PPP3CB: variants seen among roughly 807,000 people sequenced by gnomAD.
The protein encoded by PPP3CB is protein phosphatase 3 catalytic subunit beta.
In PPP3CB, 8 loss-of-function variants were observed where a neutral mutation model predicts 66.4. That is an observed-to-expected ratio of 0.12 (90% CI 0.07 to 0.22). PPP3CB has a LOEUF of 0.22. Ranked by LOEUF, PPP3CB falls within the 10% of genes least tolerant of loss-of-function variation. PPP3CB has a pLI of 1.00. For synonymous variants in PPP3CB, 208 were observed against 221.2 expected (o/e 0.94, Z 0.53); for missense variants, 319 against 642.5 (o/e 0.50, Z 5.44).
chr10:73,468,228 A>C (rs181377911), intron 8 of PPP3CB, among the ~76,000 whole-genome samples: 110 of 152,276 alleles, frequency 7.2e-4, no homozygotes, highest in Middle Eastern at 6.8e-3. Context: ...TACTACAAAG[A>C]AATATTTTAC....
intron 1 of PPP3CB, among the ~76,000 whole-genome samples, chr10:73,491,628 A>C (rs964021042): frequency 2.6e-5 from 4 of 152,228 alleles, no homozygotes; most frequent in Non-Finnish European, 5.9e-5. Flanking sequence ...CTAGCAAGAA[A>C]CACTGAAGTA....
intron 1 of PPP3CB, among the ~76,000 whole-genome samples, chr10:73,492,881 T>TA (rs1266327230): frequency 6.6e-6 from 1 of 152,170 alleles, no homozygotes; most frequent in African/African-American, 2.4e-5. Context: ...TATCTGATCT[T>TA]AAACACAGAA....
At chr10:73,480,435 C>G (rs1328217006) in intron 1 of PPP3CB, among the ~76,000 whole-genome samples, 1 of 150,158 alleles carries the variant, frequency 6.7e-6, no homozygotes, top group Non-Finnish European at 1.5e-5. Flanking sequence ...AAATTTATCC[C>G]TGTAATTTTT....
At chr10:73,455,670 G>A (rs996621016) in intron 9 of PPP3CB, among the ~76,000 whole-genome samples, 5 of 152,216 alleles carry the variant, frequency 3.3e-5, no homozygotes, top group Non-Finnish European at 5.9e-5. Context: ...CCGGGTTCAC[G>A]CCATTCTCCT....
chr10:73,458,335 C>T (rs2056463823), intron 9 of PPP3CB, among the ~76,000 whole-genome samples: 1 of 152,014 alleles, frequency 6.6e-6, no homozygotes, highest in African/African-American at 2.4e-5. Context: ...CAGGGTTTCA[C>T]CATGTTGGCC....
Position 73,438,288 on chromosome 10 carries a change from G to A in PPP3CB, c.1529C>T (p.Ala510Val), listed in dbSNP as rs2056097799. 1.2e-6 allele frequency: 2 copies of A among 1,614,004 alleles called. No individual in the cohort carries two copies. Among genetic ancestry groups the A allele is most frequent in the Non-Finnish European group, 1.7e-6 (2 of 1,180,020 alleles). The change falls in exon 14 of 14, where the codon GCA becomes GTA. Residue 510 changes from alanine to valine, a missense_variant. By Grantham distance (64) the Ala-to-Val change is moderately conservative (BLOSUM62 0). Around this residue, in one of 5 missense-constraint regions of PPP3CB, gnomAD observed 25 missense variants for 26.4 expected, o/e 0.95. Transcript: ENST00000360663. ...QQDGFNSLNTAHATENHGTGN... is the reference protein window; with the variant it reads ...QQDGFNSLNTVHATENHGTGN... ...CGTCCCGTGGTTCTCAGTGGCATGT[G>A]CGGTGTTCAGAGAATTGAAACCATC...
In PPP3CB at chr10:73,471,592, C is replaced by T; in HGVS notation, c.545G>A (p.Arg182Lys). 1 of 1,598,852 alleles carries T rather than the reference C, an allele frequency of 6.3e-7. No individual in the cohort carries two copies. The highest frequency in any genetic ancestry group is 8.5e-7 in the Non-Finnish European group (1 of 1,174,760). Residue 182 changes from arginine (R) to lysine (K), a missense_variant, in exon 5 of 14, where the codon AGA becomes AAA. Physicochemically the swap from Arg to Lys is conservative, Grantham distance 26 (BLOSUM62 2). Coordinates refer to ENST00000360663, the MANE Select transcript of PPP3CB (RefSeq NM_021132.4). Reference sequence around the variant, plus strand: ...AGCTTCCATACAAGCTTCATAGACTCTTTCCGAATACTTAATTTTACCTAG... The same window carrying T: ...AGCTTCCATACAAGCTTCATAGACTTTTTCCGAATACTTAATTTTACCTAG... The part of the protein sequence containing the change: ...KQECKIKYSE[R>K]VYEACMEAFD...
chr10:73,479,111 A>G (rs1390992157), intron 2 of PPP3CB, among the ~76,000 whole-genome samples: 2 of 152,232 alleles, frequency 1.3e-5, no homozygotes, highest in African/African-American at 4.8e-5. Flanking sequence ...ATATTAGACT[A>G]ACTTCTACAC....
chr10:73,482,703 C>T (rs1301519915), intron 1 of PPP3CB, among the ~76,000 whole-genome samples: 1 of 151,466 alleles, frequency 6.6e-6, no homozygotes, highest in Non-Finnish European at 1.5e-5. Context: ...CTACAACATC[C>T]ACCTCCTGGG....
At position 73,470,875 on chromosome 10, in the gene PPP3CB, CAG is replaced by C; in HGVS notation, c.887+10_887+11del. The C allele has an allele frequency of 6.2e-7, 1 of 1,609,500 alleles. No individual in the cohort carries two copies. The highest frequency in any genetic ancestry group is 1.1e-5 in the South Asian group (1 of 90,368). ...TAGGTGTTAATTTGGGTCAGGGAAACAGAATTCTTACCCTGCATCTTGAGCTT... is the reference window on the plus strand; with the variant it reads ...TAGGTGTTAATTTGGGTCAGGGAAACAATTCTTACCCTGCATCTTGAGCTT... On this transcript the variant is annotated intron_variant, in intron 7 of 13. Transcript: ENST00000360663.
chr10:73,464,999 CTCTTTA>C (rs1455394950), intron 9 of PPP3CB, among the ~76,000 whole-genome samples: 2 of 151,576 alleles, frequency 1.3e-5, no homozygotes, highest in African/African-American at 4.8e-5. Context: ...TAAAATGTGA[CTCTTTA>C]TCTTTTAGAA....
chr10:73,495,681 C>T, intron 1 of PPP3CB, 124 bp downstream of exon 1: 1 of 1,407,464 alleles, frequency 7.1e-7, no homozygotes, highest in Non-Finnish European at 9.3e-7. Context: ...GGCCACTCCC[C>T]AAGGGAGGCA....
chr10:73,475,887 C>T (rs974111866), intron 3 of PPP3CB, among the ~76,000 whole-genome samples: 3 of 152,176 alleles, frequency 2.0e-5, no homozygotes, highest in Non-Finnish European at 4.4e-5. Flanking sequence ...GAGACAAGGT[C>T]TCACTGTCAC....
At chr10:73,452,340 T>C (rs1487078088) in intron 10 of PPP3CB, among the ~76,000 whole-genome samples, 1 of 152,098 alleles carries the variant, frequency 6.6e-6, no homozygotes, top group Admixed American at 6.5e-5. Context: ...GGAACTAGAA[T>C]CTGAGCCCAG....
In PPP3CB at chr10:73,486,463, G is replaced by A. The variant is rs900743623; in HGVS notation, c.86-6946C>T. ...TGGGATTACAGGCATGCACCACCAC[G>A]CCTGGCTAATTTTGTATTTTTAGTA... On this transcript the variant is annotated intron_variant, in intron 1 of 13. Coordinates refer to ENST00000360663, the MANE Select transcript of PPP3CB (RefSeq NM_021132.4). 9.9e-5 allele frequency among the ~76,000 whole-genome samples: 15 copies of A among 151,928 alleles called. 1 individual carries two copies. The South Asian group carries it at 1.2e-3, about 13-fold the overall frequency.
In PPP3CB at chr10:73,478,484, G is replaced by C; in HGVS notation, c.411+15C>G. The C allele has an allele frequency of 6.2e-7, 1 of 1,600,168 alleles. No homozygotes were observed. Among genetic ancestry groups the C allele is most frequent in the South Asian group, 1.1e-5 (1 of 89,804 alleles). ...ACACTTAACAGCAAATCAAATGACA[G>C]TTTATGATTATTACCTCTATACTAA... On this transcript the variant is annotated intron_variant, in intron 3 of 13. Transcript: ENST00000360663.
At chr10:73,477,426 G>C (rs181962870) in intron 3 of PPP3CB, among the ~76,000 whole-genome samples, 143 of 152,256 alleles carry the variant, frequency 9.4e-4, no homozygotes, top group African/African-American at 3.3e-3. Context: ...TTGTTTATTA[G>C]ATGGAAAACA....
In PPP3CB at chr10:73,472,369, C is replaced by G. The variant is rs561545864; in HGVS notation, c.524-756G>C. On this transcript the variant is annotated intron_variant, in intron 4 of 13. Transcript: ENST00000360663. ...AATTAGCCAGGCATGCTGGTGTGCACCTGTAATCCCAGAGACTCAATGGGT... is the reference window on the plus strand; with the variant it reads ...AATTAGCCAGGCATGCTGGTGTGCAGCTGTAATCCCAGAGACTCAATGGGT... Among the ~76,000 whole-genome samples, 236 of 152,152 alleles carry G rather than the reference C, an allele frequency of 1.6e-3. 1 individual carries two copies. Among genetic ancestry groups the G allele is most frequent in the African/African-American group, 5.5e-3 (228 of 41,486 alleles).
At chr10:73,486,938 A>G (rs1004470173) in intron 1 of PPP3CB, among the ~76,000 whole-genome samples, 1 of 152,220 alleles carries the variant, frequency 6.6e-6, no homozygotes, top group African/African-American at 2.4e-5. Context: ...TGGGAGGCCA[A>G]GGCGGGTGGA....
Sources: allele counts gnomAD v4.1 joint callset (sites outside exome capture counted in the v4.1 genomes callset), GRCh38; gene constraint gnomAD v4.1.1; regional missense constraint gnomAD v4.1.1; transcripts MANE v1.5; gene names NCBI Gene and HGNC (gene_info 2026-07-23, HGNC 2026-07-21).